ZHX3: variants seen among roughly 807,000 people sequenced by gnomAD.
ZHX3 encodes the protein zinc fingers and homeoboxes protein 3.
ZHX3 carries 20 observed loss-of-function variants against 64.5 expected under a neutral mutation model. The ratio of observed to expected loss-of-function variants is 0.31; its 90% CI spans 0.22 to 0.45. ZHX3 has a LOEUF of 0.45. Among genes scored for constraint, ZHX3 ranks in the 20% least tolerant of loss-of-function variants. The pLI is 1.00. For missense variants in ZHX3, 1,041 were observed against 1,195.8 expected, an observed-to-expected ratio of 0.87 and a Z score of 1.91; for synonymous variants, 423 against 461.6, an observed-to-expected ratio of 0.92 and a Z score of 1.07.
At chr20:41,257,269 G>C (rs1600528403) in intron 2 of ZHX3, among the ~76,000 whole-genome samples, 1 of 152,108 alleles carries the variant, frequency 6.6e-6, no homozygotes, top group South Asian at 2.1e-4. Flanking sequence ...AAGCTGGTTT[G>C]GAATTTCTTT....
At chr20:41,191,927 C>G (rs79617376) in intron 3 of ZHX3, among the ~76,000 whole-genome samples, 11,068 of 152,256 alleles carry the variant, frequency 0.073, 442 homozygotes, top group Middle Eastern at 0.17. Flanking sequence ...CTCAGAGGAG[C>G]ATACAATGGC....
chr20:41,250,040 T>G (rs989396579), intron 2 of ZHX3, among the ~76,000 whole-genome samples: 4 of 152,072 alleles, frequency 2.6e-5, no homozygotes, highest in Non-Finnish European at 4.4e-5. Context: ...TAAAGCAGTC[T>G]GGGGAAACAC....
intron 1 of ZHX3, among the ~76,000 whole-genome samples, chr20:41,294,552 G>T (rs1254889626): frequency 6.6e-6 from 1 of 151,980 alleles, no homozygotes; most frequent in Non-Finnish European, 1.5e-5. Flanking sequence ...TAGTAGAGAT[G>T]GAGTTTCAAC....
intron 3 of ZHX3, among the ~76,000 whole-genome samples, chr20:41,192,497 T>C (rs1189941960): frequency 6.6e-6 from 1 of 152,236 alleles, no homozygotes; most frequent in Non-Finnish European, 1.5e-5. Flanking sequence ...GGGGAATGCA[T>C]GTGCCACTCA....
intron 2 of ZHX3, among the ~76,000 whole-genome samples, chr20:41,246,413 C>G (rs932936454): frequency 6.6e-6 from 1 of 152,196 alleles, no homozygotes; most frequent in Non-Finnish European, 1.5e-5. Flanking sequence ...TAAGCATACT[C>G]ACTCACTCAT....
chr20:41,300,412 T>C (rs554403819), intron 1 of ZHX3, among the ~76,000 whole-genome samples: 3 of 152,344 alleles, frequency 2.0e-5, no homozygotes, highest in African/African-American at 7.2e-5. Context: ...GAATGCACTA[T>C]TAAAGGATAT....
Position 41,182,609 on chromosome 20 carries a change from A to G in ZHX3, c.*2582T>C, listed in dbSNP as rs1268244216. On this transcript the variant is annotated 3_prime_UTR_variant, in exon 4 of 4. Coordinates refer to ENST00000683867, the MANE Select transcript of ZHX3 (RefSeq NM_001384317.1). This position sits in a 1 kb window ranked among gnomAD's most constrained non-coding sequence, Gnocchi z 6.1. The stretch of plus-strand genomic sequence containing the variant: ...ACTGCCTCCCTCATCATCGCTTTTG[A>G]TCATCTTTCAAGGATAAGGTCCAGA... 1 of 152,212 alleles carries G rather than the reference A, an allele frequency of 6.6e-6. No homozygotes were observed. The highest frequency in any genetic ancestry group is 1.5e-5 in the Non-Finnish European group (1 of 68,068). 9.4% of individuals were successfully genotyped at this position (152,212 alleles called of 1,614,324 possible).
Position 41,212,419 on chromosome 20 carries a change from G to C in ZHX3, c.-150-7353C>G, listed in dbSNP as rs138244053. Among the ~76,000 whole-genome samples, 35 of 152,122 alleles carry C rather than the reference G, an allele frequency of 2.3e-4. No individual in the cohort carries two copies. Among genetic ancestry groups the C allele is most frequent in the Non-Finnish European group, 1.9e-4 (13 of 68,030 alleles). The stretch of plus-strand genomic sequence containing the variant: ...GATGCAGAGAAACTGGAGCCCTCAC[G>C]TATTGCTGATGAAAATGTAAAATGG... On this transcript the variant is annotated intron_variant, in intron 2 of 3. Transcript: ENST00000683867. The surrounding 1 kb of genome is among the most constrained non-coding windows in gnomAD (Gnocchi z 4.3).
At chr20:41,222,207 T>C (rs1343708638) in intron 2 of ZHX3, among the ~76,000 whole-genome samples, 1 of 152,162 alleles carries the variant, frequency 6.6e-6, no homozygotes, top group Non-Finnish European at 1.5e-5. Context: ...GGATATGTTT[T>C]GAAAGTAAAG....
intron 1 of ZHX3, among the ~76,000 whole-genome samples, chr20:41,287,305 C>T (rs2043985058): frequency 6.6e-6 from 1 of 152,164 alleles, no homozygotes; most frequent in Non-Finnish European, 1.5e-5. Context: ...TTCTCTATTC[C>T]CTTATTCTGC....
At chr20:41,275,697 C>T (rs1254109101) in intron 1 of ZHX3, among the ~76,000 whole-genome samples, 1 of 152,186 alleles carries the variant, frequency 6.6e-6, no homozygotes. Context: ...GCCCTTCTAA[C>T]ATGGCAGATG....
At chr20:41,292,348 C>T (rs566988918) in intron 1 of ZHX3, among the ~76,000 whole-genome samples, 2 of 152,290 alleles carry the variant, frequency 1.3e-5, no homozygotes, top group South Asian at 4.1e-4. Context: ...TCACAATGAG[C>T]TCTACAAAAT....
chr20:41,251,723 T>C lies in ZHX3; in HGVS notation c.-151+17267A>G, dbSNP rs144444402. On this transcript the variant is annotated intron_variant, in intron 2 of 3. Coordinates refer to ENST00000683867, the MANE Select transcript of ZHX3 (RefSeq NM_001384317.1). ...TAAAAGTAGAGTACTGTCTATAGAATAGATAGAATAGCAATGCTTATTTTA... is the reference window on the plus strand; with the variant it reads ...TAAAAGTAGAGTACTGTCTATAGAACAGATAGAATAGCAATGCTTATTTTA... Among the ~76,000 whole-genome samples the C allele has an allele frequency of 4.0e-3, 609 of 152,242 alleles. 7 individuals are homozygous for C. The highest frequency in any genetic ancestry group is 0.023 in the East Asian group (119 of 5,186).
At position 41,205,058 on chromosome 20, in the gene ZHX3, C is replaced by G. The variant is rs972158046; in HGVS notation, c.-142G>C. The stretch of plus-strand genomic sequence containing the variant: ...GTTGTTTGCAGAAAGCAGGTTTTCC[C>G]TATTCAATCTAAGGAAAGGGAGAAA... On this transcript the variant is annotated 5_prime_UTR_variant, in exon 3 of 4. Transcript: ENST00000683867. 7.6e-7 allele frequency: 1 copy of G among 1,321,370 alleles called. No individual in the cohort carries two copies. Among genetic ancestry groups the G allele is most frequent in the African/African-American group, 1.5e-5 (1 of 67,136 alleles). The allele number at this position is 1,321,370 out of a possible 1,614,324, so 81.9% of individuals were successfully genotyped here. A position where few individuals can be genotyped will look rare whatever the true frequency, so the allele number is the denominator to read the frequency against.
chr20:41,197,267 TGTATA>T (rs1382063827), intron 3 of ZHX3: 2 of 146,356 alleles, frequency 1.4e-5, no homozygotes, highest in Non-Finnish European at 3.0e-5. Flanking sequence ...TATATATAAT[TGTATA>T]TATTTAAAAT....
chr20:41,201,474 T>C lies in ZHX3; in HGVS notation c.2860+583A>G. ...TAATCTTCTATGATACATTTTGCTT[T>C]CGAGTACAATCCAGAGAAACTGAGG... is the stretch of plus-strand genomic sequence containing the variant. On this transcript the variant is annotated intron_variant, in intron 3 of 3. Coordinates refer to ENST00000683867, the MANE Select transcript of ZHX3 (RefSeq NM_001384317.1). The surrounding 1 kb of genome is among the most constrained non-coding windows in gnomAD (Gnocchi z 5.0). 1.0e-6 allele frequency: 1 copy of C among 964,166 alleles called. No homozygotes were observed. Among genetic ancestry groups the C allele is most frequent in the Non-Finnish European group, 1.4e-6 (1 of 692,202 alleles). 59.7% of individuals were successfully genotyped at this position (964,166 alleles called of 1,614,324 possible). A position where few individuals can be genotyped will look rare whatever the true frequency, so the allele number is the denominator to read the frequency against.
At chr20:41,294,638 C>A (rs2044415886) in intron 1 of ZHX3, among the ~76,000 whole-genome samples, 1 of 151,374 alleles carries the variant, frequency 6.6e-6, no homozygotes, top group African/African-American at 2.4e-5. Flanking sequence ...GCTGGGATTA[C>A]AGGCATGAGC....
At chr20:41,254,358 C>T (rs2042132067) in intron 2 of ZHX3, among the ~76,000 whole-genome samples, 1 of 152,164 alleles carries the variant, frequency 6.6e-6, no homozygotes, top group South Asian at 2.1e-4. Flanking sequence ...ATAATAATTA[C>T]AAGTGCCTCA....
At position 41,182,208 on chromosome 20, in the gene ZHX3, A is replaced by T. The variant is rs75776680; in HGVS notation, c.*2983T>A. 2.8e-4 allele frequency: 43 copies of T among 152,360 alleles called. No homozygotes were observed. The East Asian group carries it at 8.1e-3, about 29-fold the overall frequency. 9.4% of individuals were successfully genotyped at this position (152,360 alleles called of 1,614,324 possible). ...TGTAAAAAACAAATGGGTACAAGAC[A>T]TCAGCAACAAAAAAACACTAAAAGA... On this transcript the variant is annotated 3_prime_UTR_variant, in exon 4 of 4. Transcript: ENST00000683867. This position sits in a 1 kb window ranked among gnomAD's most constrained non-coding sequence, Gnocchi z 6.1.
Sources: gnomAD v4.1 joint callset for allele counts (sites outside exome capture counted in the v4.1 genomes callset) on GRCh38, gnomAD v4.1.1 for gene constraint, Gnocchi (gnomAD v3.1) non-coding constraint, MANE v1.5 for transcripts, NCBI Gene and HGNC (gene_info 2026-07-23, HGNC 2026-07-21) for gene names.